The following DNAH2 variants were observed in gnomAD, a reference collection of about 807,000 sequenced individuals.
The protein encoded by DNAH2 is axonemal beta dynein heavy chain 2.
DNAH2 carries 323 observed loss-of-function variants against 523.5 expected under a neutral mutation model. That is an observed-to-expected ratio of 0.62 (90% confidence interval 0.56 to 0.68). The LOEUF (loss-of-function observed/expected upper bound fraction) is 0.68. Among genes scored for constraint, DNAH2 ranks in the 30% least tolerant of loss-of-function variants. DNAH2 has a pLI of 0.00. For missense variants in DNAH2, 4,907 were observed against 5,701.5 expected, an observed-to-expected ratio of 0.86 and a Z score of 4.49; for synonymous variants, 2,093 against 2,177.4, an observed-to-expected ratio of 0.96 and a Z score of 1.08.
intron 28 of DNAH2, among the ~76,000 whole-genome samples, chr17:7,771,989 T>TA (rs1472472572): frequency 1.3e-5 from 2 of 152,174 alleles, no homozygotes; most frequent in African/African-American, 4.8e-5. Context: ...GTTCTGGGAT[T>TA]ACAGGTGTGG....
At chr17:7,765,627 C>T (rs2076145493) in intron 21 of DNAH2, 62 bp downstream of exon 21, 4 of 1,554,708 alleles carry the variant, frequency 2.6e-6, no homozygotes, top group Non-Finnish European at 2.6e-6. Flanking sequence ...GCCTTCCAAG[C>T]CCAGGTCCTG....
chr17:7,823,407 A>G (rs373142247), intron 73 of DNAH2, 35 bp from the exon 74 acceptor site: 18 of 1,598,726 alleles, frequency 1.1e-5, no homozygotes, highest in African/African-American at 9.5e-5. Context: ...AGTATTCCCA[A>G]GTCAATCCCT....
chr17:7,776,155 C>G lies in DNAH2; in HGVS notation c.4947+6C>G. Reference sequence around the variant, plus strand: ...TGAAGGAGTGGGCTGGCCAGGTGAGCTGGGGTCAACAGAAGTGAGGGAACA... The same window carrying G: ...TGAAGGAGTGGGCTGGCCAGGTGAGGTGGGGTCAACAGAAGTGAGGGAACA... On this transcript the variant is annotated splice_donor_region_variant and intron_variant, in intron 31 of 85. Transcript: ENST00000572933. The G allele has an allele frequency of 1.9e-6, 3 of 1,612,808 alleles. No homozygotes were observed. Among genetic ancestry groups the G allele is most frequent in the Non-Finnish European group, 2.5e-6 (3 of 1,179,380 alleles).
At chr17:7,817,133 A>G (rs1424599912) in intron 64 of DNAH2, among the ~76,000 whole-genome samples, 157 bp from the exon 65 acceptor site, 1 of 152,236 alleles carries the variant, frequency 6.6e-6, no homozygotes, top group Non-Finnish European at 1.5e-5. Flanking sequence ...AAAAGTAATT[A>G]GAACCAGGCT....
At position 7,749,983 on chromosome 17, in the gene DNAH2, C is replaced by T. The variant is rs151162416; in HGVS notation, c.1904+6841C>T. 7.2e-3 allele frequency among the ~76,000 whole-genome samples: 1,094 copies of T among 152,098 alleles called. 10 individuals carry two copies. The highest frequency in any genetic ancestry group is 0.023 in the African/African-American group (964 of 41,470). ...TTGCACTGCAGCCTGGGCGACAGAG[C>T]GAGACTCTGTCTCAAAAAAAGAAAA... On this transcript the variant is annotated intron_variant, in intron 12 of 85. Coordinates refer to ENST00000572933, the MANE Select transcript of DNAH2 (RefSeq NM_020877.5).
chr17:7,736,852 G>C (rs1007720105), intron 7 of DNAH2, among the ~76,000 whole-genome samples: 1 of 152,046 alleles, frequency 6.6e-6, no homozygotes, highest in Non-Finnish European at 1.5e-5. Context: ...CGTTGTGGTG[G>C]GCACCTGTAA....
chr17:7,815,612 AGGATCACACACACATATACG>A (rs1228311239), intron 63 of DNAH2, among the ~76,000 whole-genome samples: 1 of 151,144 alleles, frequency 6.6e-6, no homozygotes, highest in African/African-American at 2.4e-5. Context: ...ATACACATAC[AGGATCACACACACATATACG>A]GGATCACACA....
At chr17:7,763,540 A>C (rs943785651) in intron 18 of DNAH2, among the ~76,000 whole-genome samples, 1 of 152,274 alleles carries the variant, frequency 6.6e-6, no homozygotes, top group Non-Finnish European at 1.5e-5. Context: ...CGGCCTCCCA[A>C]AGTGCTGGGA....
chr17:7,743,905 TC>T (rs1158516236), intron 12 of DNAH2: 1 of 152,454 alleles, frequency 6.6e-6, no homozygotes, highest in Non-Finnish European at 1.5e-5. Flanking sequence ...GTGAGCACCT[TC>T]CATGTGTCAG....
chr17:7,805,524 G>A (rs981608546), intron 61 of DNAH2, 131 bp downstream of exon 61: 6 of 1,319,006 alleles, frequency 4.5e-6, no homozygotes, highest in Non-Finnish European at 6.2e-6. Context: ...ACAGGGCCTA[G>A]TAGAAAGGAG....
rs1338094881 is a variant in DNAH2 at position 7,770,617 on chromosome 17, G to A, written c.4159G>A (p.Asp1387Asn). Residue 1387 changes from aspartate to asparagine, a missense_variant, in exon 26 of 86, where the codon GAT (aspartate) becomes AAT (asparagine). Asp to Asn is a conservative substitution (Grantham distance 23, BLOSUM62 1). This residue lies in a region of DNAH2 where 2,806 missense variants were observed against 3,190.8 expected (regional missense o/e 0.88). Transcript: ENST00000572933. ...TCAGCTCGACATAGTACCCTACAAG[G>A]ATAAGGGCCATCATCGGCTCAGGTC... ...VTQLDIVPYK[D>N]KGHHRLRGTE... 4 of 1,614,078 alleles carry A rather than the reference G, an allele frequency of 2.5e-6. No individual in the cohort carries two copies. Among genetic ancestry groups the A allele is most frequent in the Non-Finnish European group, 3.4e-6 (4 of 1,180,050 alleles).
chr17:7,823,526 A>G lies in DNAH2; in HGVS notation c.11227A>G (p.Lys3743Glu). The G allele has an allele frequency of 6.2e-7, 1 of 1,614,150 alleles. No homozygotes were observed. Among genetic ancestry groups the G allele is most frequent in the Non-Finnish European group, 8.5e-7 (1 of 1,180,024 alleles). ...CTGGGATAACATCACAGAGCTAGAC[A>G]AACTGACCAACTTCCACGGACTCAT... Reference protein sequence around the residue: ...AYWDNITELDKLTNFHGLMNS... With the variant: ...AYWDNITELDELTNFHGLMNS... The change falls in exon 74 of 86, where the codon AAA becomes GAA. Residue 3743 changes from lysine (K) to glutamate (E), a missense_variant. Around this residue, in one of 3 missense-constraint regions of DNAH2, gnomAD observed 1,851 missense variants for 2,139.4 expected, o/e 0.87. Transcript: ENST00000572933.
chr17:7,786,124 CT>C lies in DNAH2; in HGVS notation c.6131del (p.Leu2044ArgfsTer38). ...IELPVIDYGK[L>X]RETVEQEIRD... Reference sequence around the variant, plus strand: ...CTTGCTGTGTTTTCCCTTCCCTCAGCTGCGGGAGACCGTTGAGCAGGAGATT... The same window carrying C: ...CTTGCTGTGTTTTCCCTTCCCTCAGCGCGGGAGACCGTTGAGCAGGAGATT... On this transcript the variant is annotated frameshift_variant and splice_region_variant, in exon 40 of 86. Transcript: ENST00000572933. LOFTEE classifies it high-confidence loss of function. The surrounding 1 kb of genome is among the most constrained non-coding windows in gnomAD (Gnocchi z 7.5). 6.2e-7 allele frequency: 1 copy of C among 1,613,932 alleles called. No homozygotes were observed. The highest frequency in any genetic ancestry group is 8.5e-7 in the Non-Finnish European group (1 of 1,179,994).
chr17:7,821,097 G>T lies in DNAH2; in HGVS notation c.11016-146G>T. 2.7e-6 allele frequency: 3 copies of T among 1,120,424 alleles called. No individual in the cohort carries two copies. Among genetic ancestry groups the T allele is most frequent in the South Asian group, 3.6e-5 (2 of 55,876 alleles). The allele number at this position is 1,120,424 out of a possible 1,614,324, so 69.4% of individuals were successfully genotyped here. ...GAAATTCTTGTGTCTAGGCCCCTGA[G>T]TCCTCAGCTGTTTCCAGGAGGTTAG... is the stretch of plus-strand genomic sequence containing the variant. On this transcript the variant is annotated intron_variant, in intron 72 of 85. Transcript: ENST00000572933. The surrounding 1 kb of genome is among the most constrained non-coding windows in gnomAD (Gnocchi z 5.0).
At chr17:7,720,311 C>T (rs920232079) in intron 2 of DNAH2, among the ~76,000 whole-genome samples, 1 of 152,248 alleles carries the variant, frequency 6.6e-6, no homozygotes, top group South Asian at 2.1e-4. Context: ...GGAGACTCAG[C>T]CTGTTTTGCC....
At chr17:7,718,904 A>G (rs531909168) in intron 1 of DNAH2, 105 bp downstream of exon 1, 1 of 152,588 alleles carries the variant, frequency 6.6e-6, no homozygotes, top group Non-Finnish European at 1.5e-5. Flanking sequence ...ACATAGGAAA[A>G]TCATCTTGGT....
intron 64 of DNAH2, 49 bp downstream of exon 64, chr17:7,816,784 C>T: frequency 6.3e-7 from 1 of 1,595,374 alleles, no homozygotes; most frequent in Non-Finnish European, 8.6e-7. Context: ...CTCGCCACTT[C>T]CGAGAGACCC....
rs2077860346 is a variant in DNAH2 at position 7,821,737 on chromosome 17, G to A, written c.11142+368G>A. Reference sequence around the variant, plus strand: ...CCCCAGCTTTTCTCCTCTCTCTGTCGCATCTACCGCTCTGGCTAGATCCAG... The same window carrying A: ...CCCCAGCTTTTCTCCTCTCTCTGTCACATCTACCGCTCTGGCTAGATCCAG... On this transcript the variant is annotated intron_variant, in intron 73 of 85. Transcript: ENST00000572933. This position sits in a 1 kb window ranked among gnomAD's most constrained non-coding sequence, Gnocchi z 5.0. Among the ~76,000 whole-genome samples, 3 of 151,966 alleles carry A rather than the reference G, an allele frequency of 2.0e-5. No individual in the cohort carries two copies. Among genetic ancestry groups the A allele is most frequent in the East Asian group, 3.9e-4 (2 of 5,186 alleles).
At chr17:7,733,623 A>G (rs1415039853) in intron 5 of DNAH2, among the ~76,000 whole-genome samples, 6 of 151,718 alleles carry the variant, frequency 4.0e-5, no homozygotes, top group Non-Finnish European at 8.8e-5. Context: ...GATTACAGGC[A>G]CATGCCACCA....
Sources: allele counts gnomAD v4.1 joint callset (sites outside exome capture counted in the v4.1 genomes callset), GRCh38; gene constraint gnomAD v4.1.1; regional missense constraint gnomAD v4.1.1; non-coding constraint Gnocchi (gnomAD v3.1); transcripts MANE v1.5; gene names NCBI Gene and HGNC (gene_info 2026-07-23, HGNC 2026-07-21).